CSRP2: variants seen among roughly 807,000 people sequenced by gnomAD.
CSRP2 encodes the protein cysteine and glycine rich protein 2.
In CSRP2, 18 loss-of-function variants were observed where a neutral mutation model predicts 24.6. That is an observed-to-expected ratio of 0.73 (90% confidence interval 0.51 to 1.09). CSRP2 has a LOEUF of 1.09. Ranked by LOEUF, CSRP2 falls within the 50% of genes least tolerant of loss-of-function variation. The pLI is 0.00. For synonymous variants in CSRP2, 87 were observed against 84.3 expected, an observed-to-expected ratio of 1.03 and a Z score of -0.18; for missense variants, 215 against 239.4, an observed-to-expected ratio of 0.90 and a Z score of 0.67.
In CSRP2 at chr12:76,865,882, G is replaced by A. The variant is rs372338550; in HGVS notation, c.112+267C>T. 4.6e-5 allele frequency: 21 copies of A among 454,348 alleles called. No homozygotes were observed. The South Asian group carries it at 5.0e-4, about 11-fold the overall frequency. 28.1% of individuals were successfully genotyped at this position (454,348 alleles called of 1,614,324 possible). ...ATAAGTGACACCCAGCACTCAGTGA[G>A]GTGGGGGAGGCAGATGTGTTAACAA... is the stretch of plus-strand genomic sequence containing the variant. On this transcript the variant is annotated intron_variant, in intron 2 of 5. Transcript: ENST00000311083.
intron 2 of CSRP2, 187 bp downstream of exon 2, chr12:76,865,962 G>A (rs1953730657): frequency 1.7e-6 from 1 of 584,148 alleles, no homozygotes; most frequent in Non-Finnish European, 3.0e-6. Context: ...GAGGCTGGGT[G>A]TCTTGGGCCA....
intron 3 of CSRP2, 103 bp from the exon 4 acceptor site, chr12:76,860,516 C>T (rs1452524801): frequency 1.4e-6 from 2 of 1,382,532 alleles, no homozygotes; most frequent in Non-Finnish European, 2.0e-6. Flanking sequence ...CGCTACACTG[C>T]CTCAAAGCTG....
At chr12:76,877,210 ACTC>A (rs1159017629) in intron 1 of CSRP2, among the ~76,000 whole-genome samples, 3 of 151,714 alleles carry the variant, frequency 2.0e-5, no homozygotes, top group Non-Finnish European at 4.4e-5. Flanking sequence ...GGCTTCTAAA[ACTC>A]CTCATTTATT....
intron 1 of CSRP2, among the ~76,000 whole-genome samples, chr12:76,874,178 G>C (rs1953829673): frequency 6.6e-6 from 1 of 152,230 alleles, no homozygotes; most frequent in South Asian, 2.1e-4. Context: ...GATCCACTGA[G>C]AGTGGATTCC....
intron 4 of CSRP2, 105 bp downstream of exon 4, chr12:76,860,179 C>T: frequency 8.1e-7 from 1 of 1,227,250 alleles, no homozygotes; most frequent in Non-Finnish European, 1.1e-6. Flanking sequence ...TCATATAAGA[C>T]AGTGATTTGT....
Position 76,863,161 on chromosome 12 carries a change from GGTC to G in CSRP2, c.281+12_281+14del. ...CAACTCATTTCTGAAGGTAACCAAC[GGTC>G]TCCCAACTCACCTCTCTGGTTTGAT... On this transcript the variant is annotated intron_variant, in intron 3 of 5. Coordinates refer to ENST00000311083, the MANE Select transcript of CSRP2 (RefSeq NM_001321.3). 1 of 1,600,140 alleles carries G rather than the reference GGTC, an allele frequency of 6.2e-7. No individual in the cohort carries two copies. The highest frequency in any genetic ancestry group is 1.1e-5 in the South Asian group (1 of 89,840).
intron 1 of CSRP2, among the ~76,000 whole-genome samples, chr12:76,870,402 C>T (rs1334780003): frequency 1.3e-5 from 2 of 152,190 alleles, no homozygotes; most frequent in African/African-American, 2.4e-5. Context: ...TTTCTTTAAA[C>T]TTACTTATTC....
chr12:76,870,521 G>T (rs79505094), intron 1 of CSRP2, among the ~76,000 whole-genome samples: 3,146 of 152,198 alleles, frequency 0.021, 75 homozygotes, highest in East Asian at 0.1. Context: ...TCCCTTGATG[G>T]TGGGGACCAC....
At position 76,863,268 on chromosome 12, in the gene CSRP2, T is replaced by G; in HGVS notation, c.189A>C (p.Gly63=). 6.2e-7 allele frequency: 1 copy of G among 1,614,250 alleles called. No individual in the cohort carries two copies. Among genetic ancestry groups the G allele is most frequent in the Non-Finnish European group, 8.5e-7 (1 of 1,180,044 alleles). The change falls in exon 3 of 6, where the codon GGA becomes GGC. Residue 63 remains glycine, a synonymous_variant. Transcript: ENST00000311083. The part of the protein sequence containing the change: ...DEEIYCKSCY[G]KKYGPKGYGY... ...CGTAGCCTTTTGGCCCATACTTCTT[T>G]CCGTAGCAGGATTTGCAGTAGATCT...
At position 76,860,386 on chromosome 12, in the gene CSRP2, A is replaced by G; in HGVS notation, c.309T>C (p.Asn103=). 1 of 1,613,930 alleles carries G rather than the reference A, an allele frequency of 6.2e-7. No individual in the cohort carries two copies. The highest frequency in any genetic ancestry group is 1.1e-5 in the South Asian group (1 of 91,060). ...TCTGAGCAAATTTAGAAGTGTTTGG[A>G]TTTGTTGTAGGCCTGTGAGGCTGAA... The part of the protein sequence containing the change: ...ESVQPHRPTT[N]PNTSKFAQKY... Residue 103 remains asparagine, a synonymous_variant, in exon 4 of 6, where the codon AAT becomes AAC. Transcript: ENST00000311083.
intron 1 of CSRP2, among the ~76,000 whole-genome samples, chr12:76,877,302 A>G (rs937271679): frequency 2.6e-5 from 4 of 152,188 alleles, no homozygotes; most frequent in Non-Finnish European, 5.9e-5. Context: ...TGATTTTGCA[A>G]TTTCATCAGG....
intron 1 of CSRP2, among the ~76,000 whole-genome samples, chr12:76,869,964 T>C (rs1307953093): frequency 6.6e-6 from 1 of 152,192 alleles, no homozygotes; most frequent in Non-Finnish European, 1.5e-5. Flanking sequence ...TGAATGCTCA[T>C]GGATGCAACA....
intron 1 of CSRP2, among the ~76,000 whole-genome samples, chr12:76,872,180 T>C (rs1953806431): frequency 6.6e-6 from 1 of 152,250 alleles, no homozygotes; most frequent in African/African-American, 2.4e-5. Context: ...TATTACATGT[T>C]ACAACGTGAT....
In CSRP2 at chr12:76,862,878, C is replaced by A. The variant is rs557254931; in HGVS notation, c.281+298G>T. 1.5e-5 allele frequency: 23 copies of A among 1,531,050 alleles called. No homozygotes were observed. In the South Asian group the frequency reaches 2.3e-4, roughly 15 times the overall value. 94.8% of individuals were successfully genotyped at this position (1,531,050 alleles called of 1,614,324 possible). ...CTCTACCATTTAATTTCATGACATCCGGTCTCCAAGGTGCTGTGAAATTGA... is the reference window on the plus strand; with the variant it reads ...CTCTACCATTTAATTTCATGACATCAGGTCTCCAAGGTGCTGTGAAATTGA... On this transcript the variant is annotated intron_variant, in intron 3 of 5. Transcript: ENST00000311083.
At chr12:76,869,598 G>A (rs200368019) in intron 1 of CSRP2, among the ~76,000 whole-genome samples, 2 of 143,552 alleles carry the variant, frequency 1.4e-5, no homozygotes, top group Non-Finnish European at 3.1e-5. Flanking sequence ...GGTATGGCTT[G>A]TTATCACTAA....
At chr12:76,871,522 G>A (rs1471863735) in intron 1 of CSRP2, among the ~76,000 whole-genome samples, 1 of 152,186 alleles carries the variant, frequency 6.6e-6, no homozygotes, top group Non-Finnish European at 1.5e-5. Context: ...TGTAATCCCA[G>A]CACTTTGGGA....
intron 1 of CSRP2, among the ~76,000 whole-genome samples, chr12:76,868,172 CTT>C (rs1406145790): frequency 3.3e-5 from 5 of 152,150 alleles, no homozygotes. Context: ...CATTTAGAAA[CTT>C]TTATGCCACA....
intron 1 of CSRP2, among the ~76,000 whole-genome samples, chr12:76,868,516 A>C (rs11115919): frequency 0.017 from 2,535 of 152,330 alleles, 21 homozygotes; most frequent in African/African-American, 0.023. Context: ...ACCTTCTGCC[A>C]TAATTGTGAG....
chr12:76,866,048 AATG>A (rs1206730447), intron 2 of CSRP2, 98 bp downstream of exon 2: 1 of 825,146 alleles, frequency 1.2e-6, no homozygotes, highest in East Asian at 2.7e-5. Context: ...GTGCTTTCAA[AATG>A]ATCTTTGTTG....
Sources: gnomAD v4.1 joint callset for allele counts (sites outside exome capture counted in the v4.1 genomes callset) on GRCh38, gnomAD v4.1.1 for gene constraint, MANE v1.5 for transcripts, NCBI Gene and HGNC (gene_info 2026-07-23, HGNC 2026-07-21) for gene names.